Variants in MICAL2 observed in about 807,000 individuals in gnomAD.
MICAL2 encodes the protein microtubule associated monooxygenase, calponin and LIM domain containing 2, also known as [F-actin]-monooxygenase MICAL2.
Under a neutral mutation model 127.3 loss-of-function variants are expected in MICAL2, and 77 were observed. That is an observed-to-expected ratio of 0.60 (90% CI 0.50 to 0.73). MICAL2 has a LOEUF of 0.73. Among genes scored for constraint, MICAL2 ranks in the 30% least tolerant of loss-of-function variants. The pLI is 0.00. For missense variants in MICAL2, 1,351 were observed against 1,434.4 expected, an observed-to-expected ratio of 0.94 and a Z score of 0.94; for synonymous variants, 570 against 551.1, an observed-to-expected ratio of 1.03 and a Z score of -0.48.
chr11:12,296,107 C>A (rs997682263), downstream of MICAL2, among the ~76,000 whole-genome samples: 3 of 151,842 alleles, frequency 2.0e-5, no homozygotes, highest in Non-Finnish European at 4.4e-5. Context: ...CATCCCCTCT[C>A]CTCCTTGCCA....
chr11:12,239,107 A>T lies in MICAL2; in HGVS notation c.2065-329A>T, dbSNP rs1424892945. On this transcript the variant is annotated intron_variant, in intron 16 of 27. Coordinates refer to ENST00000683283, the MANE Select transcript of MICAL2 (RefSeq NM_001282663.2). Reference sequence around the variant, plus strand: ...ACTTGGTTTTTGCAGTAATCATGTGAAGTAGATTACTGTTCTCATTTTATA... The same window carrying T: ...ACTTGGTTTTTGCAGTAATCATGTGTAGTAGATTACTGTTCTCATTTTATA... Among the ~76,000 whole-genome samples the T allele has an allele frequency of 1.6e-4, 24 of 152,192 alleles. 1 individual carries two copies. Among genetic ancestry groups the T allele is most frequent in the Admixed American group, 1.6e-3 (24 of 15,264 alleles).
At chr11:12,134,989 C>T (rs1851724060) in intron 1 of MICAL2, among the ~76,000 whole-genome samples, 1 of 152,194 alleles carries the variant, frequency 6.6e-6, no homozygotes, top group African/African-American at 2.4e-5. Flanking sequence ...AGGCAGCTCC[C>T]AGCTGACCCC....
At chr11:12,303,054 C>T (rs1055681708) in intron 29 of MICAL2, among the ~76,000 whole-genome samples, 3 of 152,112 alleles carry the variant, frequency 2.0e-5, no homozygotes, top group Non-Finnish European at 4.4e-5. Flanking sequence ...AAATGCCGGA[C>T]GCTTATAAAA....
At chr11:12,216,078 G>GATAAA (rs1856112064) in intron 7 of MICAL2, 141 bp from the exon 8 acceptor site, 1 of 637,292 alleles carries the variant, frequency 1.6e-6, no homozygotes, top group Non-Finnish European at 2.8e-6. Context: ...ATCTTTGCCA[G>GATAAA]CCTTGTGTGC....
rs1460064782 is a variant in MICAL2, at chr11:12,163,113, A to G, written c.264+694A>G. Among the ~76,000 whole-genome samples the G allele has an allele frequency of 5.3e-5, 8 of 152,054 alleles. No homozygotes were observed. The East Asian group carries it at 1.5e-3, about 29-fold the overall frequency. Reference sequence around the variant, plus strand: ...CATTTCTCTACCTAGGACCACACTCATAGTTAAGCCTACACGAACTGGTTG... The same window carrying G: ...CATTTCTCTACCTAGGACCACACTCGTAGTTAAGCCTACACGAACTGGTTG... On this transcript the variant is annotated intron_variant, in intron 3 of 27. Transcript: ENST00000683283.
At chr11:12,358,031 G>T (rs999604589) in intron 34 of MICAL2, among the ~76,000 whole-genome samples, 23 of 152,176 alleles carry the variant, frequency 1.5e-4, no homozygotes, top group African/African-American at 5.5e-4. Flanking sequence ...GGTTTGGCTG[G>T]TATTAAATTC....
Position 12,201,014 on chromosome 11 carries a change from C to T in MICAL2, c.265-3236C>T, listed in dbSNP as rs114239583. 8.0e-3 allele frequency among the ~76,000 whole-genome samples: 1,217 copies of T among 152,366 alleles called. 21 individuals are homozygous for T. Among genetic ancestry groups the T allele is most frequent in the African/African-American group, 0.028 (1,172 of 41,600 alleles). ...CCAGACTTAACCCCAAAGCAAACCT[C>T]ACCAGTGTCGGGGCTTGGAGTCGTG... On this transcript the variant is annotated intron_variant, in intron 3 of 27. Transcript: ENST00000683283.
rs185301560 is a variant in MICAL2, at chr11:12,323,672, A to G, written c.5329-306A>G. Among the ~76,000 whole-genome samples the G allele has an allele frequency of 4.3e-3, 654 of 152,312 alleles. 4 individuals carry two copies. The highest frequency in any genetic ancestry group is 0.015 in the African/African-American group (637 of 41,564). On this transcript the variant is annotated intron_variant, in intron 30 of 34. Coordinates refer to the MICAL2 transcript ENST00000646065. ...CTTCCCAATCCAGAACCTACTAGCG[A>G]CATGTGGCTACTTAAGTTTACATTT...
At chr11:12,123,437 T>A (rs1271654183) in intron 1 of MICAL2, among the ~76,000 whole-genome samples, 2 of 152,196 alleles carry the variant, frequency 1.3e-5, no homozygotes, top group Non-Finnish European at 2.9e-5. Context: ...TTATGTCAGT[T>A]CTGGTGTTTT....
At position 12,162,509 on chromosome 11, in the gene MICAL2, C is replaced by A. The variant is rs58364057; in HGVS notation, c.264+90C>A. ...AAGCTGTTGCCATTTTGGCACTCTA[C>A]GGTTCTTAGGTGTGGGTGTGAATGT... On this transcript the variant is annotated intron_variant, in intron 3 of 27. Coordinates refer to ENST00000683283, the MANE Select transcript of MICAL2 (RefSeq NM_001282663.2). 1.3e-3 allele frequency: 1,861 copies of A among 1,481,378 alleles called. 17 individuals carry two copies. The African/African-American group carries it at 0.021, about 17-fold the overall frequency. 91.8% of individuals were successfully genotyped at this position (1,481,378 alleles called of 1,614,324 possible).
downstream of MICAL2, chr11:12,294,208 G>T (rs749430629): frequency 2.2e-5 from 36 of 1,613,942 alleles, no homozygotes; most frequent in Non-Finnish European, 3.0e-5. Flanking sequence ...AAGCTCAAGG[G>T]GAGCGAAACG....
At chr11:12,320,025 T>A (rs1414769317) in intron 30 of MICAL2, among the ~76,000 whole-genome samples, 1 of 151,894 alleles carries the variant, frequency 6.6e-6, no homozygotes, top group South Asian at 2.1e-4. Context: ...GACGCAAATT[T>A]GGGAGAAAAA....
intron 29 of MICAL2, among the ~76,000 whole-genome samples, chr11:12,301,307 T>C (rs1207685149): frequency 6.6e-6 from 1 of 152,198 alleles, no homozygotes; most frequent in Non-Finnish European, 1.5e-5. Flanking sequence ...TGGAGGGGAT[T>C]TATCCATGTT....
chr11:12,283,416 AG>A (rs1863792524), intron 2 of MICAL2, among the ~76,000 whole-genome samples: 1 of 152,126 alleles, frequency 6.6e-6, no homozygotes, highest in Non-Finnish European at 1.5e-5. Flanking sequence ...ATTAGCCAAA[AG>A]GGGGAAACAA....
downstream of MICAL2, among the ~76,000 whole-genome samples, chr11:12,296,607 T>TTATCAAA (rs1863988991): frequency 2.7e-5 from 4 of 150,790 alleles, no homozygotes; most frequent in Non-Finnish European, 5.9e-5. Flanking sequence ...TACATTTGCA[T>TTATCAAA]GGTTCAAAAT....
At chr11:12,250,681 G>A (rs544901518) in intron 22 of MICAL2, among the ~76,000 whole-genome samples, 1 of 152,298 alleles carries the variant, frequency 6.6e-6, no homozygotes, top group Admixed American at 6.5e-5. Flanking sequence ...AATATTGAGA[G>A]ATATTTAAAG....
rs370110676 is a variant in MICAL2 at position 12,160,674 on chromosome 11, C to T, written c.-77-1405C>T. On this transcript the variant is annotated intron_variant, in intron 2 of 27. Transcript: ENST00000683283. ...TTTCTTGAGATTTCTCTCTTGTGGC[C>T]CCTCTGGACTCCTCGAGGCTCTGTT... Among the ~76,000 whole-genome samples, 29 of 152,274 alleles carry T rather than the reference C, an allele frequency of 1.9e-4. No homozygotes were observed. In the East Asian group the frequency reaches 4.4e-3, roughly 23 times the overall value.
At chr11:12,334,667 A>G (rs1418046112) in intron 32 of MICAL2, among the ~76,000 whole-genome samples, 2 of 128,226 alleles carry the variant, frequency 1.6e-5, no homozygotes, top group Non-Finnish European at 3.1e-5. Context: ...ATGTGTTCTC[A>G]TTGTTCAATT....
intron 32 of MICAL2, among the ~76,000 whole-genome samples, chr11:12,328,830 G>A (rs1275943339): frequency 6.6e-6 from 1 of 152,178 alleles, no homozygotes; most frequent in Non-Finnish European, 1.5e-5. Flanking sequence ...AGCAGGTGCA[G>A]ACCCAGATTT....
Sources: gnomAD v4.1 joint callset for allele counts (sites outside exome capture counted in the v4.1 genomes callset) on GRCh38, gnomAD v4.1.1 for gene constraint, MANE v1.5 for transcripts, NCBI Gene and HGNC (gene_info 2026-07-23, HGNC 2026-07-21) for gene names.